The following ARHGAP6 variants were observed in gnomAD, a reference collection of about 807,000 sequenced individuals.
ARHGAP6 encodes the protein rho GTPase-activating protein 6.
In ARHGAP6, 16 loss-of-function variants were observed where a neutral mutation model predicts 55.7. The ratio of observed to expected loss-of-function variants is 0.29; its 90% CI spans 0.19 to 0.44. ARHGAP6 has a LOEUF of 0.44. ARHGAP6 is among the 20% of genes least tolerant of loss of function. The pLI, the probability that ARHGAP6 is intolerant of heterozygous loss-of-function variation, is 1.00. For missense variants in ARHGAP6, 698 were observed against 808.9 expected, an observed-to-expected ratio of 0.86 and a Z score of 1.66; for synonymous variants, 382 against 360.9, an observed-to-expected ratio of 1.06 and a Z score of -0.66.
chrX:11,450,364 CAACA>C (rs1404060009), intron 1 of ARHGAP6, among the ~76,000 whole-genome samples: 1 of 111,894 alleles, frequency 8.9e-6, no homozygotes, highest in African/African-American at 3.3e-5. Context: ...AAACTAAATA[CAACA>C]AACGTGTCAT....
intron 10 of ARHGAP6, among the ~76,000 whole-genome samples, chrX:11,152,150 G>A (rs994843569): frequency 8.9e-6 from 1 of 112,248 alleles, no homozygotes. Context: ...ACTAGAGAGA[G>A]AGATCTATCT....
rs2285665 is a variant in ARHGAP6, at chrX:11,137,765, C to T, written c.*1098G>A. The T allele has an allele frequency of 5.3e-5, 6 of 112,329 alleles. No individual in the cohort carries two copies. The East Asian group carries it at 8.3e-4, about 15-fold the overall frequency. 9.3% of individuals were successfully genotyped at this position (112,329 alleles called of 1,213,427 possible). A position where few individuals can be genotyped will look rare whatever the true frequency, so the allele number is the denominator to read the frequency against. On this transcript the variant is annotated 3_prime_UTR_variant, in exon 13 of 13. Transcript: ENST00000337414. ...AAATAGTTATGCACTTGAAAAACTT[C>T]AAACTACTAAAGTACGGTAGAACAT...
chrX:11,426,297 C>A (rs1227505354), intron 1 of ARHGAP6, among the ~76,000 whole-genome samples: 1 of 111,457 alleles, frequency 9.0e-6, no homozygotes, highest in Non-Finnish European at 1.9e-5. Context: ...CCAACTGGAG[C>A]AGCTCCGGGA....
At chrX:11,583,475 A>G (rs747589355) in intron 1 of ARHGAP6, among the ~76,000 whole-genome samples, 2 of 112,605 alleles carry the variant, frequency 1.8e-5, no homozygotes, top group South Asian at 3.6e-4. Flanking sequence ...TGTTACGATC[A>G]AATCCTATTG....
At chrX:11,156,501 T>C (rs755330674) in intron 10 of ARHGAP6, 28 bp downstream of exon 10, 5 of 1,141,645 alleles carry the variant, frequency 4.4e-6, no homozygotes, top group Non-Finnish European at 6.0e-6. Context: ...CAATGCGGCT[T>C]TAGAAGATGG....
At chrX:11,545,031 A>C (rs750958727) in intron 1 of ARHGAP6, among the ~76,000 whole-genome samples, 1 of 112,110 alleles carries the variant, frequency 8.9e-6, no homozygotes, top group South Asian at 3.7e-4. Flanking sequence ...TGGACTAGAC[A>C]ACCTCTCAGG....
chrX:11,375,199 T>A (rs1015488944), intron 1 of ARHGAP6, among the ~76,000 whole-genome samples: 1 of 112,121 alleles, frequency 8.9e-6, no homozygotes, highest in Non-Finnish European at 1.9e-5. Flanking sequence ...CTGAACAGAT[T>A]TGTTCTGGGG....
chrX:11,172,947 C>G (rs1169398707), intron 8 of ARHGAP6, among the ~76,000 whole-genome samples: 2 of 111,717 alleles, frequency 1.8e-5, no homozygotes, highest in Non-Finnish European at 3.8e-5. Flanking sequence ...TAGCTCATAT[C>G]TGTTAAAAGT....
intron 1 of ARHGAP6, among the ~76,000 whole-genome samples, chrX:11,585,493 T>C (rs2051722330): frequency 8.9e-6 from 1 of 112,495 alleles, no homozygotes; most frequent in Non-Finnish European, 1.9e-5. Context: ...AGATAGTATC[T>C]AATTGTGGTT....
chrX:11,145,204 T>G (rs778932264), intron 10 of ARHGAP6: 1 of 112,529 alleles, frequency 8.9e-6, no homozygotes, highest in South Asian at 3.7e-4. Flanking sequence ...TTTACTAGTC[T>G]TTGCTCTCTT....
Position 11,372,351 on chromosome X carries a change from A to G in ARHGAP6, c.589-117644T>C, listed in dbSNP as rs964532185. Among the ~76,000 whole-genome samples, 5 of 112,444 alleles carry G rather than the reference A, an allele frequency of 4.4e-5. No homozygotes were observed. In the Admixed American group the frequency reaches 4.7e-4, roughly 11 times the overall value. On this transcript the variant is annotated intron_variant, in intron 1 of 12. Transcript: ENST00000337414. ...TTTTTCTCACTACAGATACTTCTTGACTAATGAGTCAGTGATTAAATATAT... is the reference window on the plus strand; with the variant it reads ...TTTTTCTCACTACAGATACTTCTTGGCTAATGAGTCAGTGATTAAATATAT...
In ARHGAP6 at chrX:11,665,663, T is replaced by A. The variant is rs2052750323; in HGVS notation, c.-835A>T. On this transcript the variant is annotated 5_prime_UTR_variant, in exon 1 of 13. Coordinates refer to ENST00000337414, the MANE Select transcript of ARHGAP6 (RefSeq NM_013427.3). ...AGACAGCCCCAAGGCCGGGTGTGTGTGTTCCGCCGGAGAGGAACACGCTAT... is the reference window on the plus strand; with the variant it reads ...AGACAGCCCCAAGGCCGGGTGTGTGAGTTCCGCCGGAGAGGAACACGCTAT... The A allele has an allele frequency of 8.9e-6, 1 of 112,880 alleles. No homozygotes were observed. The highest frequency in any genetic ancestry group is 1.9e-5 in the Non-Finnish European group (1 of 53,279). 9.3% of individuals were successfully genotyped at this position (112,880 alleles called of 1,213,427 possible).
chrX:11,230,665 ATG>A (rs746799072), intron 2 of ARHGAP6, among the ~76,000 whole-genome samples: 54 of 107,716 alleles, frequency 5.0e-4, no homozygotes, highest in East Asian at 2.0e-3. Flanking sequence ...ATACGTATAT[ATG>A]TGTGTGTGTG....
intron 1 of ARHGAP6, among the ~76,000 whole-genome samples, chrX:11,551,001 G>C (rs183235979): frequency 9.0e-6 from 1 of 111,566 alleles, no homozygotes; most frequent in African/African-American, 3.3e-5. Flanking sequence ...TCTTTAGGGG[G>C]CATTGAGTAA....
At chrX:11,238,372 T>C (rs1414684983) in intron 2 of ARHGAP6, among the ~76,000 whole-genome samples, 1 of 112,235 alleles carries the variant, frequency 8.9e-6, no homozygotes, top group Non-Finnish European at 1.9e-5. Flanking sequence ...GAAATAGCCT[T>C]GTATTTCTTT....
At chrX:11,268,556 G>A (rs1363046963) in intron 1 of ARHGAP6, among the ~76,000 whole-genome samples, 3 of 111,599 alleles carry the variant, frequency 2.7e-5, no homozygotes, top group African/African-American at 9.8e-5. Flanking sequence ...CATTCAGCTA[G>A]TCTACATTTC....
chrX:11,417,089 TATATATATATATATATAC>T (rs2049760350), intron 1 of ARHGAP6, among the ~76,000 whole-genome samples: 1 of 82,002 alleles, frequency 1.2e-5, no homozygotes, highest in African/African-American at 4.6e-5. Context: ...TATATATATA[TATATATATATATATATAC>T]ACATACATAT....
chrX:11,162,193 A>C (rs982371501), intron 9 of ARHGAP6, among the ~76,000 whole-genome samples: 1 of 110,807 alleles, frequency 9.0e-6, no homozygotes, highest in Non-Finnish European at 1.9e-5. Flanking sequence ...AAATGGGTAC[A>C]TGAAAAGAAA....
intron 2 of ARHGAP6, among the ~76,000 whole-genome samples, chrX:11,227,354 T>A (rs1241787607): frequency 8.9e-6 from 1 of 112,064 alleles, no homozygotes; most frequent in East Asian, 2.8e-4. Context: ...TCTGAGTCCA[T>A]TATCCTTCCC....
Sources: gnomAD v4.1 joint callset for allele counts (sites outside exome capture counted in the v4.1 genomes callset) on GRCh38, gnomAD v4.1.1 for gene constraint, MANE v1.5 for transcripts, NCBI Gene and HGNC (gene_info 2026-07-23, HGNC 2026-07-21) for gene names.